Variants in PPP1R2 observed in about 807,000 individuals in gnomAD.
PPP1R2 encodes the protein protein phosphatase inhibitor 2.
In PPP1R2, 16 loss-of-function variants were observed where a neutral mutation model predicts 29.9. That is an observed-to-expected ratio of 0.53 (90% CI 0.36 to 0.81). The LOEUF (loss-of-function observed/expected upper bound fraction) is 0.81, where lower values mean the gene tolerates loss of function less well. PPP1R2 is among the 30% of genes least tolerant of loss of function. The pLI is 0.00. For missense variants in PPP1R2, 197 were observed against 252.7 expected (o/e 0.78, Z 1.49); for synonymous variants, 76 against 91.5 (o/e 0.83, Z 0.96).
intron 1 of PPP1R2, among the ~76,000 whole-genome samples, chr3:195,539,734 A>G (rs1026133962): frequency 6.6e-6 from 1 of 152,116 alleles, no homozygotes; most frequent in African/African-American, 2.4e-5. Context: ...AACAATAAGA[A>G]AATAACAGCA....
chr3:195,538,064 G>A (rs991690476), intron 1 of PPP1R2, among the ~76,000 whole-genome samples: 2 of 152,198 alleles, frequency 1.3e-5, no homozygotes, highest in Non-Finnish European at 2.9e-5. Context: ...CTCCTTTGAG[G>A]TCAGTATCCC....
At chr3:195,534,746 T>G (rs1388559438) in intron 1 of PPP1R2, among the ~76,000 whole-genome samples, 2 of 151,840 alleles carry the variant, frequency 1.3e-5, no homozygotes, top group African/African-American at 4.8e-5. Context: ...CAGGCTGGAG[T>G]GCAGTGGCAC....
intron 4 of PPP1R2, chr3:195,523,340 A>T (rs1718840008): frequency 4.3e-6 from 1 of 229,978 alleles, no homozygotes; most frequent in African/African-American, 2.3e-5. Context: ...GCAACTGGGA[A>T]ATTAGCTCTT....
chr3:195,521,795 C>A (rs1485400309), intron 4 of PPP1R2, among the ~76,000 whole-genome samples: 2 of 151,994 alleles, frequency 1.3e-5, no homozygotes, highest in African/African-American at 4.8e-5. Context: ...GGATTAGAGG[C>A]GCCCACCACC....
intron 1 of PPP1R2, among the ~76,000 whole-genome samples, chr3:195,535,846 A>G (rs1480112027): frequency 6.6e-6 from 1 of 152,178 alleles, no homozygotes; most frequent in East Asian, 1.9e-4. Context: ...AGAAACGAAA[A>G]AGCACAAAAG....
intron 1 of PPP1R2, among the ~76,000 whole-genome samples, chr3:195,542,050 CCTT>C (rs1719616828): frequency 6.6e-6 from 1 of 152,136 alleles, no homozygotes. Context: ...AAAGTAGAGT[CCTT>C]CTATTTTTAG....
intron 1 of PPP1R2, among the ~76,000 whole-genome samples, chr3:195,538,912 A>C (rs191356430): frequency 1.2e-3 from 179 of 152,372 alleles, no homozygotes; most frequent in African/African-American, 4.2e-3. Flanking sequence ...AAAGTTTGCT[A>C]ATAAGCAGCA....
intron 1 of PPP1R2, among the ~76,000 whole-genome samples, chr3:195,530,983 T>C (rs939681243): frequency 2.7e-5 from 4 of 150,124 alleles, no homozygotes; most frequent in Admixed American, 6.6e-5. Flanking sequence ...CCACCACACC[T>C]GGCTAATTTT....
chr3:195,528,700 C>CAATTTTTTT (rs1553886222), intron 2 of PPP1R2: 34 of 76,640 alleles, frequency 4.4e-4, no homozygotes, highest in Non-Finnish European at 5.9e-4. Flanking sequence ...TAGGGCATAA[C>CAATTTTTTT]TATTTTTTTT....
chr3:195,530,870 T>C (rs1488954594), intron 1 of PPP1R2, among the ~76,000 whole-genome samples: 1 of 152,096 alleles, frequency 6.6e-6, no homozygotes, highest in Non-Finnish European at 1.5e-5. Flanking sequence ...TCGCCCAGGC[T>C]GGAGTGCAAT....
chr3:195,523,986 G>A (rs1718865920), intron 3 of PPP1R2, among the ~76,000 whole-genome samples, 200 bp from the exon 4 acceptor site: 1 of 152,154 alleles, frequency 6.6e-6, no homozygotes, highest in South Asian at 2.1e-4. Flanking sequence ...TATTTGGAAG[G>A]CCGAGGTGGG....
At chr3:195,532,022 G>A (rs1719198290) in intron 1 of PPP1R2, among the ~76,000 whole-genome samples, 1 of 151,992 alleles carries the variant, frequency 6.6e-6, no homozygotes. Flanking sequence ...TCATATTGTA[G>A]CATGTGTCAG....
chr3:195,519,932 A>ACC (rs1718689806), intron 4 of PPP1R2, among the ~76,000 whole-genome samples: 1 of 147,890 alleles, frequency 6.8e-6, no homozygotes, highest in Non-Finnish European at 1.5e-5. Context: ...AAAAAAAAAA[A>ACC]CAACAGAAAA....
At chr3:195,536,706 T>C (rs1005410453) in intron 1 of PPP1R2, among the ~76,000 whole-genome samples, 11 of 149,650 alleles carry the variant, frequency 7.4e-5, no homozygotes, top group African/African-American at 2.7e-4. Flanking sequence ...GAGAATCACT[T>C]GCACCCAGGA....
intron 2 of PPP1R2, among the ~76,000 whole-genome samples, chr3:195,527,405 G>A (rs1465753434): frequency 6.6e-6 from 1 of 151,958 alleles, no homozygotes; most frequent in African/African-American, 2.4e-5. Flanking sequence ...AGCTGAGATC[G>A]TGCCACTGCT....
chr3:195,530,259 T>C (rs1015383671), intron 1 of PPP1R2, among the ~76,000 whole-genome samples: 9 of 152,220 alleles, frequency 5.9e-5, no homozygotes, highest in African/African-American at 4.8e-5. Context: ...TTTTGATCTA[T>C]ATATCAGTAA....
intron 4 of PPP1R2, 61 bp downstream of exon 4, chr3:195,523,631 T>C: frequency 2.2e-6 from 3 of 1,355,978 alleles, no homozygotes; most frequent in Non-Finnish European, 2.1e-6. Flanking sequence ...TTCCAAATAA[T>C]GGATTTATCT....
chr3:195,533,547 A>C (rs1046039126), intron 1 of PPP1R2, among the ~76,000 whole-genome samples: 1 of 152,218 alleles, frequency 6.6e-6, no homozygotes, highest in Non-Finnish European at 1.5e-5. Context: ...AAGCATTCCC[A>C]AGAAGCAAAG....
intron 2 of PPP1R2, chr3:195,528,700 CTAT>C (rs1719068189): frequency 2.6e-5 from 2 of 76,642 alleles, no homozygotes; most frequent in African/African-American, 1.1e-4. Context: ...TAGGGCATAA[CTAT>C]TTTTTTTTTT....
Sources: allele counts gnomAD v4.1 joint callset (sites outside exome capture counted in the v4.1 genomes callset), GRCh38; gene constraint gnomAD v4.1.1; transcripts MANE v1.5; gene names NCBI Gene and HGNC (gene_info 2026-07-23, HGNC 2026-07-21).